Variants in NYAP2 observed in about 807,000 individuals in gnomAD.
NYAP2 encodes neuronal tyrosine-phosphorylated phosphoinositide-3-kinase adaptor 2.
NYAP2 carries 23 observed loss-of-function variants against 50.4 expected under a neutral mutation model. The observed-to-expected ratio is 0.46, with a 90% CI of 0.33 to 0.65. NYAP2 has a LOEUF of 0.65. Among genes scored for constraint, NYAP2 ranks in the 30% least tolerant of loss-of-function variants. The pLI, the probability that NYAP2 is intolerant of heterozygous loss-of-function variation, is 0.02. For missense variants in NYAP2, 885 were observed against 861.0 expected (o/e 1.03, Z -0.35); for synonymous variants, 394 against 365.2 (o/e 1.08, Z -0.90).
At position 225,579,793 on chromosome 2, in the gene NYAP2, G is replaced by A. The variant is rs565772137; in HGVS notation, c.524-2148G>A. 1.7e-3 allele frequency among the ~76,000 whole-genome samples: 257 copies of A among 152,332 alleles called. 1 individual carries two copies. Among genetic ancestry groups the A allele is most frequent in the Non-Finnish European group, 3.3e-3 (225 of 68,036 alleles). On this transcript the variant is annotated intron_variant, in intron 4 of 6. Transcript: ENST00000636099. The stretch of plus-strand genomic sequence containing the variant: ...AGGCATAGGCTCAGCAGATGCTTAA[G>A]TTCTTACCCTGTTATTTCTCTCCAT...
intron 2 of NYAP2, among the ~76,000 whole-genome samples, chr2:225,407,990 T>C (rs569188338): frequency 6.6e-6 from 1 of 151,868 alleles, no homozygotes; most frequent in African/African-American, 2.4e-5. Flanking sequence ...TTATTTACAG[T>C]CTTCATCTCT....
At chr2:225,460,187 C>A (rs1210110147) in intron 3 of NYAP2, among the ~76,000 whole-genome samples, 1 of 152,068 alleles carries the variant, frequency 6.6e-6, no homozygotes, top group Non-Finnish European at 1.5e-5. Context: ...AATATTAGCT[C>A]TTGAAAGATT....
intron 5 of NYAP2, among the ~76,000 whole-genome samples, chr2:225,620,212 C>A (rs973188223): frequency 2.6e-5 from 4 of 152,188 alleles, no homozygotes; most frequent in Non-Finnish European, 4.4e-5. Context: ...AATACGTTTC[C>A]TTGAGTTTTC....
At chr2:225,639,526 C>G (rs1430014702) in intron 6 of NYAP2, among the ~76,000 whole-genome samples, 1 of 151,964 alleles carries the variant, frequency 6.6e-6, no homozygotes, top group Non-Finnish European at 1.5e-5. Context: ...GTCAATTGCC[C>G]AGATTCACTG....
At chr2:225,463,933 G>A (rs1217110469) in intron 3 of NYAP2, among the ~76,000 whole-genome samples, 1 of 152,096 alleles carries the variant, frequency 6.6e-6, no homozygotes, top group Non-Finnish European at 1.5e-5. Context: ...GGGATCCTTA[G>A]AGCAGTTGTA....
intron 3 of NYAP2, among the ~76,000 whole-genome samples, chr2:225,431,856 A>G (rs1194168045): frequency 6.6e-6 from 1 of 152,252 alleles, no homozygotes; most frequent in Admixed American, 6.5e-5. Flanking sequence ...GTTCCTATCA[A>G]TGAGCAAAGT....
intron 3 of NYAP2, among the ~76,000 whole-genome samples, chr2:225,412,716 A>G (rs1300220878): frequency 6.6e-6 from 1 of 152,176 alleles, no homozygotes; most frequent in African/African-American, 2.4e-5. Context: ...GTTTCTGTAC[A>G]GTTAAAGCTG....
At chr2:225,525,188 G>T (rs1691130110) in intron 4 of NYAP2, among the ~76,000 whole-genome samples, 1 of 152,172 alleles carries the variant, frequency 6.6e-6, no homozygotes, top group Admixed American at 6.6e-5. Context: ...TCTTAAAGAA[G>T]TAAAACTAGA....
At chr2:225,690,623 C>T in the NYAP2 span, among the ~76,000 whole-genome samples, 2 of 152,050 alleles carry the variant, frequency 1.3e-5, no homozygotes, top group South Asian at 4.1e-4. Context: ...CTTATCTATA[C>T]AATTTAAATC....
chr2:225,582,428 G>T lies in NYAP2; in HGVS notation c.1011G>T (p.Leu337=). Residue 337 remains leucine (L), a synonymous_variant, in exon 5 of 7, where the codon CTG becomes CTT. Coordinates refer to ENST00000636099, the Ensembl canonical transcript of NYAP2. This position sits in a 1 kb window ranked among gnomAD's most constrained non-coding sequence, Gnocchi z 7.0. ...TGCTTTCTCACAGACCCCCGCTGCT[G>T]GTATTTCCCCCCGCCCCCGTGCATT... 5 of 1,586,276 alleles carry T rather than the reference G, an allele frequency of 3.2e-6. No individual in the cohort carries two copies. The highest frequency in any genetic ancestry group is 4.3e-6 in the Non-Finnish European group (5 of 1,163,568).
chr2:225,572,274 C>T (rs933685155), intron 4 of NYAP2, among the ~76,000 whole-genome samples: 19 of 152,302 alleles, frequency 1.2e-4, no homozygotes, highest in African/African-American at 3.6e-4. Context: ...AGAAGTGCCC[C>T]GCTATCCGTT....
chr2:225,643,588 TC>T lies in NYAP2; in HGVS notation c.1829-7838del, dbSNP rs1439114083. Among the ~76,000 whole-genome samples, 674 of 125,456 alleles carry T rather than the reference TC, an allele frequency of 5.4e-3. 4 individuals are homozygous for T. The highest frequency in any genetic ancestry group is 0.016 in the Middle Eastern group (4 of 254). The allele number at this position is 125,456 out of a possible 152,430, so 82.3% of individuals were successfully genotyped here. A position where few individuals can be genotyped will look rare whatever the true frequency, so the allele number is the denominator to read the frequency against. ...TAGGTATATCTCCCAATGCTATCCC[TC>T]CCCCCTCCCCCACCCCACAACAGTC... On this transcript the variant is annotated intron_variant, in intron 6 of 6. Transcript: ENST00000636099.
At chr2:225,503,537 C>T (rs769134038) in intron 3 of NYAP2, among the ~76,000 whole-genome samples, 1 of 152,138 alleles carries the variant, frequency 6.6e-6, no homozygotes, top group Non-Finnish European at 1.5e-5. Context: ...TGTCCTGCCT[C>T]TTTAGAAACT....
At chr2:225,444,961 G>C (rs766765580) in intron 3 of NYAP2, among the ~76,000 whole-genome samples, 69 of 152,056 alleles carry the variant, frequency 4.5e-4, no homozygotes, top group Non-Finnish European at 8.8e-4. Context: ...CAAAAGATTT[G>C]GAATGAAAAA....
At chr2:225,633,723 G>T (rs1693360163) in intron 6 of NYAP2, among the ~76,000 whole-genome samples, 1 of 152,312 alleles carries the variant, frequency 6.6e-6, no homozygotes, top group Admixed American at 6.5e-5. Context: ...GTGGACAAAA[G>T]CTACTCAGTG....
At chr2:225,398,644 G>GA (rs397716238), upstream of NYAP2, among the ~76,000 whole-genome samples, 2 of 151,152 alleles carry the variant, frequency 1.3e-5, no homozygotes, top group African/African-American at 4.9e-5. Context: ...GAGAGAGAGA[G>GA]GGAAAGGGAG....
At chr2:225,506,016 G>A (rs1053061304) in intron 3 of NYAP2, among the ~76,000 whole-genome samples, 2 of 151,956 alleles carry the variant, frequency 1.3e-5, no homozygotes, top group Non-Finnish European at 2.9e-5. Flanking sequence ...GTGATCCAAC[G>A]TTTGTTTGGC....
chr2:225,588,528 T>A (rs1029730060), intron 5 of NYAP2, among the ~76,000 whole-genome samples: 4 of 152,222 alleles, frequency 2.6e-5, no homozygotes, highest in Non-Finnish European at 4.4e-5. Context: ...ATGAAGGAGC[T>A]GCTCCAACTA....
chr2:225,446,252 A>ATATATATATATATATATATATAT (rs1689561303), intron 3 of NYAP2, among the ~76,000 whole-genome samples: 1 of 82,474 alleles, frequency 1.2e-5, no homozygotes, highest in African/African-American at 3.9e-5. Flanking sequence ...CTCTCTATAT[A>ATATATATATATATATATATATAT]TATATATATA....
Sources: gnomAD v4.1 joint callset for allele counts (sites outside exome capture counted in the v4.1 genomes callset) on GRCh38, gnomAD v4.1.1 for gene constraint, Gnocchi (gnomAD v3.1) non-coding constraint, MANE v1.5 for transcripts, NCBI Gene and HGNC (gene_info 2026-07-23, HGNC 2026-07-21) for gene names.